Variants in SCAI observed in about 807,000 individuals in gnomAD.
SCAI encodes protein SCAI.
Under a neutral mutation model 92.2 loss-of-function variants are expected in SCAI, and 24 were observed. The observed-to-expected ratio is 0.26, with a 90% CI of 0.19 to 0.37. SCAI has a LOEUF of 0.37. Ranked by LOEUF, SCAI falls within the 10% of genes least tolerant of loss-of-function variation. The pLI is 1.00. For synonymous variants in SCAI, 261 were observed against 258.6 expected, an observed-to-expected ratio of 1.01 and a Z score of -0.09; for missense variants, 450 against 736.2, an observed-to-expected ratio of 0.61 and a Z score of 4.50.
intron 14 of SCAI, among the ~76,000 whole-genome samples, chr9:124,976,971 C>T (rs1270087585): frequency 6.6e-6 from 1 of 151,632 alleles, no homozygotes; most frequent in Admixed American, 6.6e-5. Context: ...CTGGTTCAAG[C>T]GATTCTCCTG....
At position 124,949,838 on chromosome 9, in the gene SCAI, T is replaced by G. The variant is rs940755168; in HGVS notation, c.*2969A>C. The G allele has an allele frequency of 6.6e-6, 1 of 152,188 alleles. No homozygotes were observed. The highest frequency in any genetic ancestry group is 1.5e-5 in the Non-Finnish European group (1 of 68,034). 9.4% of individuals were successfully genotyped at this position (152,188 alleles called of 1,614,324 possible). A position where few individuals can be genotyped will look rare whatever the true frequency, so the allele number is the denominator to read the frequency against. ...TGCTTCCCCAATGCCCAGAAGAAAA[T>G]CTGGAGTATAGTCTTTGTTTAATAC... is the stretch of plus-strand genomic sequence containing the variant. On this transcript the variant is annotated 3_prime_UTR_variant, in exon 18 of 18. Coordinates refer to ENST00000336505, the MANE Select transcript of SCAI (RefSeq NM_001144877.3). This position sits in a 1 kb window ranked among gnomAD's most constrained non-coding sequence, Gnocchi z 4.0.
chr9:125,013,041 G>T (rs1180318805), intron 9 of SCAI, among the ~76,000 whole-genome samples: 2 of 151,816 alleles, frequency 1.3e-5, no homozygotes, highest in East Asian at 3.9e-4. Flanking sequence ...TGTGTAGAGG[G>T]AAATTTATAG....
At chr9:125,035,269 C>T (rs1021922034) in intron 3 of SCAI, among the ~76,000 whole-genome samples, 54 of 151,842 alleles carry the variant, frequency 3.6e-4, no homozygotes, top group African/African-American at 1.2e-3. Context: ...GAAGGAGAAT[C>T]GTTAGAGTCC....
In SCAI at chr9:125,080,297, A is replaced by G. The variant is rs574751777; in HGVS notation, c.99-24290T>C. Reference sequence around the variant, plus strand: ...TTACACAGTTAGAAAAAAAACCCCAAAGTCATGTTCTTCTTCCCAAAGGAC... The same window carrying G: ...TTACACAGTTAGAAAAAAAACCCCAGAGTCATGTTCTTCTTCCCAAAGGAC... On this transcript the variant is annotated intron_variant, in intron 2 of 17. Transcript: ENST00000336505. Among the ~76,000 whole-genome samples the G allele has an allele frequency of 7.9e-5, 12 of 152,268 alleles. No homozygotes were observed. In the South Asian group the frequency reaches 2.5e-3, roughly 32 times the overall value.
At chr9:125,130,119 G>A (rs1003977202) in intron 2 of SCAI, among the ~76,000 whole-genome samples, 13 of 152,052 alleles carry the variant, frequency 8.5e-5, no homozygotes, top group African/African-American at 2.4e-4. Flanking sequence ...GGCTGGTTTC[G>A]AACTCCTGAC....
intron 17 of SCAI, chr9:124,968,350 C>G (rs1831581359): frequency 8.3e-7 from 1 of 1,200,778 alleles, no homozygotes; most frequent in South Asian, 1.2e-5. Flanking sequence ...GTTTTTAAGG[C>G]TTTAGTGAGC....
At chr9:124,953,403 C>A (rs1421432041) in intron 17 of SCAI, among the ~76,000 whole-genome samples, 1 of 151,672 alleles carries the variant, frequency 6.6e-6, no homozygotes, top group Admixed American at 6.6e-5. Context: ...CCGAAGCGGG[C>A]AGATCATGAG....
At chr9:125,045,758 C>T (rs1490873209) in intron 3 of SCAI, among the ~76,000 whole-genome samples, 1 of 152,128 alleles carries the variant, frequency 6.6e-6, no homozygotes, top group Non-Finnish European at 1.5e-5. Context: ...TAGGCTATGA[C>T]TTTAACTGGC....
chr9:124,949,779 T>TCATGAA lies in SCAI; in HGVS notation c.*3022_*3027dup, dbSNP rs1329347253. ...TACTCCTTCTACTAGAATGTAAGCT[T>TCATGAA]CATGAACATGAGGATTTTTAAGTCT... is the stretch of plus-strand genomic sequence containing the variant. On this transcript the variant is annotated 3_prime_UTR_variant, in exon 18 of 18. Transcript: ENST00000336505. This position sits in a 1 kb window ranked among gnomAD's most constrained non-coding sequence, Gnocchi z 4.0. 2 of 152,266 alleles carry TCATGAA rather than the reference T, an allele frequency of 1.3e-5. No homozygotes were observed. The highest frequency in any genetic ancestry group is 2.9e-5 in the Non-Finnish European group (2 of 68,040). 9.4% of individuals were successfully genotyped at this position (152,266 alleles called of 1,614,324 possible).
intron 2 of SCAI, among the ~76,000 whole-genome samples, chr9:125,069,383 T>C (rs1367196292): frequency 6.7e-6 from 1 of 150,060 alleles, no homozygotes; most frequent in Non-Finnish European, 1.5e-5. Flanking sequence ...AGTGGCGTGA[T>C]CTTGGCTCAC....
At chr9:125,095,333 C>T (rs1301170300) in intron 2 of SCAI, among the ~76,000 whole-genome samples, 1 of 152,234 alleles carries the variant, frequency 6.6e-6, no homozygotes, top group Non-Finnish European at 1.5e-5. Context: ...AACAGAAGAG[C>T]ACTACTTAAC....
At chr9:125,127,410 T>C (rs1410070116) in intron 2 of SCAI, among the ~76,000 whole-genome samples, 1 of 151,538 alleles carries the variant, frequency 6.6e-6, no homozygotes, top group African/African-American at 2.4e-5. Flanking sequence ...GCAGAATTTT[T>C]TTTTTTTTTT....
At chr9:124,995,886 G>A (rs757480427) in intron 13 of SCAI, among the ~76,000 whole-genome samples, 28 of 152,012 alleles carry the variant, frequency 1.8e-4, no homozygotes, top group East Asian at 3.9e-4. Flanking sequence ...ACCCAAAGGC[G>A]GAAATCCAGT....
At position 125,106,096 on chromosome 9, in the gene SCAI, C is replaced by CAAAA. The variant is rs1168643448; in HGVS notation, c.98+36533_98+36536dup. Among the ~76,000 whole-genome samples, 11 of 18,780 alleles carry CAAAA rather than the reference C, an allele frequency of 5.9e-4. 1 individual carries two copies. The highest frequency in any genetic ancestry group is 2.0e-3 in the African/African-American group (9 of 4,542). The allele number at this position is 18,780 out of a possible 152,430, so 12.3% of individuals were successfully genotyped here. A position where few individuals can be genotyped will look rare whatever the true frequency, so the allele number is the denominator to read the frequency against. ...TGCGTGACAGAGTGAGACTCCATCT[C>CAAAA]AAAAAAAAAAAAAAAAAAAAAAAAA... On this transcript the variant is annotated intron_variant, in intron 2 of 17. Coordinates refer to ENST00000336505, the MANE Select transcript of SCAI (RefSeq NM_001144877.3).
chr9:124,989,808 G>C (rs1178927932), intron 14 of SCAI, among the ~76,000 whole-genome samples: 1 of 150,120 alleles, frequency 6.7e-6, no homozygotes, highest in African/African-American at 2.5e-5. Flanking sequence ...GCCTGAACTT[G>C]GGGAGCAGAG....
chr9:125,085,751 A>G (rs1834313562), intron 2 of SCAI, among the ~76,000 whole-genome samples: 1 of 152,210 alleles, frequency 6.6e-6, no homozygotes, highest in Non-Finnish European at 1.5e-5. Flanking sequence ...TGGGCAACAA[A>G]GCGAGACCTT....
At chr9:125,015,701 AATCATGCTGCTATAAAG>A (rs1347269975) in intron 9 of SCAI, among the ~76,000 whole-genome samples, 6 of 152,124 alleles carry the variant, frequency 3.9e-5, no homozygotes, top group African/African-American at 1.2e-4. Flanking sequence ...ATGGACTATA[AATCATGCTGCTATAAAG>A]ACACATGCAC....
At chr9:125,118,976 G>A (rs1028681877) in intron 2 of SCAI, among the ~76,000 whole-genome samples, 17 of 152,220 alleles carry the variant, frequency 1.1e-4, no homozygotes, top group African/African-American at 3.9e-4. Flanking sequence ...CTGGTTCCAT[G>A]TCTTTGCTAT....
At chr9:124,986,227 A>C (rs749151893) in intron 14 of SCAI, among the ~76,000 whole-genome samples, 2 of 151,658 alleles carry the variant, frequency 1.3e-5, no homozygotes, top group East Asian at 3.9e-4. Flanking sequence ...GGAGGCGGAG[A>C]TTGCAGTGAG....
Sources: gnomAD v4.1 joint callset for allele counts (sites outside exome capture counted in the v4.1 genomes callset) on GRCh38, gnomAD v4.1.1 for gene constraint, Gnocchi (gnomAD v3.1) non-coding constraint, MANE v1.5 for transcripts, NCBI Gene and HGNC (gene_info 2026-07-23, HGNC 2026-07-21) for gene names.